Variants in GALNT13 observed in about 807,000 individuals in gnomAD.
GALNT13 encodes the protein polypeptide N-acetylgalactosaminyltransferase 13, also known as UDP-GalNAc:polypeptide N-acetylgalactosaminyltransferase 13.
In GALNT13, 28 loss-of-function variants were observed where a neutral mutation model predicts 64.2. The ratio of observed to expected loss-of-function variants is 0.44; its 90% CI spans 0.32 to 0.60. The LOEUF is 0.60. Among genes scored for constraint, GALNT13 ranks in the 20% least tolerant of loss-of-function variants. The probability of loss-of-function intolerance (pLI) is 0.05; values close to 1 mark genes in which losing one functional copy is unlikely to be tolerated. For synonymous variants in GALNT13, 214 were observed against 224.6 expected (o/e 0.95, Z 0.42); for missense variants, 577 against 669.8 (o/e 0.86, Z 1.53).
At chr2:153,309,824 C>G in the GALNT13 span, among the ~76,000 whole-genome samples, 1 of 152,066 alleles carries the variant, frequency 6.6e-6, no homozygotes, top group African/African-American at 2.4e-5. Flanking sequence ...AATACCTAGG[C>G]AGTAAAACAG....
At chr2:153,475,147 G>T in the GALNT13 span, among the ~76,000 whole-genome samples, 1 of 152,190 alleles carries the variant, frequency 6.6e-6, no homozygotes, top group Non-Finnish European at 1.5e-5. Flanking sequence ...GGGGAATAGA[G>T]AGTGTAAAAA....
chr2:153,345,635 T>TTCTCTTTCTTTCTTTCTTTC, the GALNT13 span, among the ~76,000 whole-genome samples: 1 of 68,806 alleles, frequency 1.5e-5, no homozygotes, highest in Non-Finnish European at 3.0e-5. Context: ...TTTCCTTTCT[T>TTCTCTTTCTTTCTTTCTTTC]TTTCTTTCTT....
At chr2:154,091,911 A>C (rs967254072) in intron 3 of GALNT13, among the ~76,000 whole-genome samples, 10 of 151,862 alleles carry the variant, frequency 6.6e-5, no homozygotes, top group African/African-American at 2.4e-4. Flanking sequence ...TAAATAGATC[A>C]TTTAAATTAC....
the GALNT13 span, among the ~76,000 whole-genome samples, chr2:153,377,455 T>G: frequency 6.6e-6 from 1 of 152,068 alleles, no homozygotes; most frequent in Non-Finnish European, 1.5e-5. Flanking sequence ...CTCTTATGAA[T>G]AGATTGAGGC....
intron 9 of GALNT13, among the ~76,000 whole-genome samples, chr2:154,375,897 C>T (rs2037660): frequency 0.6 from 91,513 of 152,004 alleles, 28,224 homozygotes; most frequent in Admixed American, 0.67. Context: ...GACAGATTTC[C>T]TTTTGTGCCG....
At chr2:154,142,549 CAAAAAAAAAAA>C (rs71396392) in intron 4 of GALNT13, among the ~76,000 whole-genome samples, 1 of 66,498 alleles carries the variant, frequency 1.5e-5, no homozygotes, top group Non-Finnish European at 2.8e-5. Flanking sequence ...AACTCTGTCT[CAAAAAAAAAAA>C]AAAAAAAAAA....
At chr2:153,551,646 T>G in the GALNT13 span, among the ~76,000 whole-genome samples, 1 of 152,278 alleles carries the variant, frequency 6.6e-6, no homozygotes, top group South Asian at 2.1e-4. Flanking sequence ...ATAATAACTT[T>G]AAATTTTGTG....
chr2:154,014,635 C>CTTTTTTTTTTTT (rs60950180), intron 3 of GALNT13, among the ~76,000 whole-genome samples: 9,914 of 76,370 alleles, frequency 0.13, 2,379 homozygotes, highest in Non-Finnish European at 0.21. Context: ...GATAATTCTC[C>CTTTTTTTTTTTT]TTTTTTTTTT....
At chr2:153,244,631 T>C in the GALNT13 span, among the ~76,000 whole-genome samples, 1 of 152,198 alleles carries the variant, frequency 6.6e-6, no homozygotes, top group African/African-American at 2.4e-5. Context: ...GGTTTTTGTC[T>C]GGAGATCAGG....
At chr2:153,484,679 C>A in the GALNT13 span, among the ~76,000 whole-genome samples, 1 of 152,088 alleles carries the variant, frequency 6.6e-6, no homozygotes, top group East Asian at 1.9e-4. Flanking sequence ...ATTTTTTATA[C>A]CCAAACCAAA....
the GALNT13 span, among the ~76,000 whole-genome samples, chr2:153,374,112 CTT>C: frequency 6.6e-6 from 1 of 152,162 alleles, no homozygotes; most frequent in African/African-American, 2.4e-5. Context: ...GCTGTCAACT[CTT>C]TTGGAAGTAG....
chr2:154,436,204 A>C (rs567464405), intron 11 of GALNT13: 1 of 152,098 alleles, frequency 6.6e-6, no homozygotes, highest in South Asian at 2.1e-4. Flanking sequence ...GGCCAAAAAA[A>C]ATTTAGCAGA....
the GALNT13 span, among the ~76,000 whole-genome samples, chr2:153,490,201 A>C: frequency 2.5e-4 from 38 of 152,160 alleles, no homozygotes; most frequent in South Asian, 4.1e-4. Context: ...TAATATTCTA[A>C]TGGTATTAAA....
intron 3 of GALNT13, among the ~76,000 whole-genome samples, chr2:154,104,566 C>G (rs1702512914): frequency 1.3e-5 from 2 of 152,192 alleles, no homozygotes; most frequent in Non-Finnish European, 2.9e-5. Context: ...GCTGCCTATC[C>G]TCTGGGACAA....
At chr2:154,357,688 C>T (rs975173971) in intron 9 of GALNT13, among the ~76,000 whole-genome samples, 1 of 151,970 alleles carries the variant, frequency 6.6e-6, no homozygotes, top group East Asian at 1.9e-4. Flanking sequence ...GGATATGGGT[C>T]AAGGGATGAC....
the GALNT13 span, among the ~76,000 whole-genome samples, chr2:153,082,078 A>T: frequency 6.6e-6 from 1 of 152,164 alleles, no homozygotes; most frequent in Non-Finnish European, 1.5e-5. Context: ...CTGGGGCAAG[A>T]TAATGCCTCA....
chr2:153,852,609 C>T, the GALNT13 span, among the ~76,000 whole-genome samples: 1 of 152,206 alleles, frequency 6.6e-6, no homozygotes, highest in South Asian at 2.1e-4. Flanking sequence ...TATGGAAAAT[C>T]AGTAAGTGTA....
the GALNT13 span, among the ~76,000 whole-genome samples, chr2:153,479,282 G>C: frequency 1.3e-5 from 2 of 152,262 alleles, no homozygotes; most frequent in Non-Finnish European, 2.9e-5. Flanking sequence ...GTGGAGTGGA[G>C]GTGATCTGAG....
intron 1 of GALNT13, among the ~76,000 whole-genome samples, chr2:153,875,038 T>C (rs1354779621): frequency 1.3e-5 from 2 of 152,112 alleles, no homozygotes; most frequent in Non-Finnish European, 2.9e-5. Context: ...CAGCTTAAAA[T>C]ACTTGGGGGC....
Sources: allele counts gnomAD v4.1 joint callset (sites outside exome capture counted in the v4.1 genomes callset), GRCh38; gene constraint gnomAD v4.1.1; transcripts MANE v1.5; gene names NCBI Gene and HGNC (gene_info 2026-07-23, HGNC 2026-07-21).